Variants in LRP1B observed in about 807,000 individuals in gnomAD.
LRP1B encodes the protein LDL receptor related protein 1B.
A neutral mutation model predicts 556.6 loss-of-function variants in LRP1B; 217 were observed. The ratio of observed to expected loss-of-function variants is 0.39; its 90% CI spans 0.35 to 0.44. The LOEUF (loss-of-function observed/expected upper bound fraction) is 0.44. LRP1B is among the 20% of genes least tolerant of loss of function. The pLI is 1.00. For synonymous variants in LRP1B, 2,047 were observed against 1,865.8 expected (o/e 1.10, Z -2.50); for missense variants, 5,053 against 5,620.8 (o/e 0.90, Z 3.23).
At chr2:141,279,487 T>C (rs1388740228) in intron 3 of LRP1B, among the ~76,000 whole-genome samples, 4 of 151,996 alleles carry the variant, frequency 2.6e-5, no homozygotes, top group East Asian at 1.9e-4. Flanking sequence ...CTTAGGGTAA[T>C]AGAAAGTGGT....
At chr2:141,628,616 G>A (rs1327713294) in intron 2 of LRP1B, among the ~76,000 whole-genome samples, 2 of 151,986 alleles carry the variant, frequency 1.3e-5, no homozygotes, top group Non-Finnish European at 2.9e-5. Context: ...GAGGGAGATG[G>A]GCAGAAGCTA....
At chr2:141,455,375 A>G (rs1209153318) in intron 3 of LRP1B, among the ~76,000 whole-genome samples, 1 of 152,160 alleles carries the variant, frequency 6.6e-6, no homozygotes, top group East Asian at 1.9e-4. Flanking sequence ...GAGGGCACAG[A>G]ATTCTCTTTG....
intron 1 of LRP1B, among the ~76,000 whole-genome samples, chr2:141,935,200 T>G (rs191373780): frequency 1.3e-5 from 2 of 152,238 alleles, no homozygotes; most frequent in African/African-American, 4.8e-5. Context: ...ATAAAGCATT[T>G]TAAACCAAAG....
intron 84 of LRP1B, among the ~76,000 whole-genome samples, chr2:140,280,816 G>C (rs531282894): frequency 3.0e-4 from 45 of 151,818 alleles, no homozygotes; most frequent in African/African-American, 1.1e-3. Flanking sequence ...TGGTAAGAAG[G>C]AATAATAATG....
In LRP1B at chr2:140,231,741, G is replaced by A. The variant is rs183507704; in HGVS notation, c.*1445C>T. The stretch of plus-strand genomic sequence containing the variant: ...TAAAACAGCAGTTTTTTTAATGCTT[G>A]TACAAAGGGATAAAGAGCAACCACA... On this transcript the variant is annotated 3_prime_UTR_variant, in exon 91 of 91. Transcript: ENST00000389484. The A allele has an allele frequency of 6.6e-6, 1 of 151,608 alleles. No homozygotes were observed. The highest frequency in any genetic ancestry group is 2.4e-5 in the African/African-American group (1 of 41,374). 9.4% of individuals were successfully genotyped at this position (151,608 alleles called of 1,614,324 possible). A position where few individuals can be genotyped will look rare whatever the true frequency, so the allele number is the denominator to read the frequency against.
At chr2:141,010,955 T>A (rs947267528) in intron 14 of LRP1B, among the ~76,000 whole-genome samples, 4 of 65,312 alleles carry the variant, frequency 6.1e-5, no homozygotes, top group African/African-American at 2.2e-4. Context: ...TCAGATGGTG[T>A]GTGTGTGTGT....
chr2:141,224,166 A>AC (rs74626852), intron 6 of LRP1B, among the ~76,000 whole-genome samples: 1 of 76,188 alleles, frequency 1.3e-5, no homozygotes, highest in Non-Finnish European at 3.7e-5. Context: ...ACACACACAC[A>AC]AACATTAAAA....
At chr2:140,247,897 C>T (rs961242769) in intron 86 of LRP1B, among the ~76,000 whole-genome samples, 1 of 151,590 alleles carries the variant, frequency 6.6e-6, no homozygotes, top group African/African-American at 2.4e-5. Context: ...TGTGTTTAAA[C>T]AAGGTCTATT....
intron 2 of LRP1B, among the ~76,000 whole-genome samples, chr2:141,658,696 G>A (rs1477376688): frequency 1.3e-5 from 2 of 152,100 alleles, no homozygotes; most frequent in Admixed American, 1.3e-4. Flanking sequence ...AATAATACTG[G>A]GATTCACATT....
intron 41 of LRP1B, among the ~76,000 whole-genome samples, chr2:140,695,420 T>C (rs1180666834): frequency 6.6e-6 from 1 of 152,132 alleles, no homozygotes; most frequent in East Asian, 1.9e-4. Context: ...GGCACAGCTT[T>C]ATTTCAGGCT....
At chr2:140,413,378 C>T (rs1685045876) in intron 66 of LRP1B, among the ~76,000 whole-genome samples, 2 of 152,112 alleles carry the variant, frequency 1.3e-5, no homozygotes, top group Non-Finnish European at 2.9e-5. Context: ...AGAAAATCCC[C>T]TTAGAGACAG....
intron 7 of LRP1B, among the ~76,000 whole-genome samples, chr2:141,126,081 G>C (rs1353972426): frequency 1.3e-5 from 2 of 151,246 alleles, no homozygotes; most frequent in Non-Finnish European, 2.9e-5. Context: ...CGCCAGGCTG[G>C]AGTGCAATGG....
chr2:140,526,122 CA>C (rs1446633858), intron 48 of LRP1B, 114 bp downstream of exon 48: 3 of 1,338,734 alleles, frequency 2.2e-6, no homozygotes, highest in African/African-American at 1.5e-5. Context: ...TCCCACACAA[CA>C]GGGGTTAATT....
intron 3 of LRP1B, among the ~76,000 whole-genome samples, chr2:141,414,214 G>A (rs1324724120): frequency 6.9e-6 from 1 of 145,866 alleles, no homozygotes; most frequent in Non-Finnish European, 1.5e-5. Context: ...TCCAGCCTGG[G>A]CGACAAGAGT....
chr2:141,793,312 A>G (rs1017101394), intron 2 of LRP1B, among the ~76,000 whole-genome samples: 7 of 152,002 alleles, frequency 4.6e-5, no homozygotes, highest in African/African-American at 1.7e-4. Context: ...CTAAGGAGAA[A>G]CAGTTATTAC....
intron 11 of LRP1B, among the ~76,000 whole-genome samples, chr2:141,043,169 C>T (rs1404868904): frequency 3.3e-5 from 5 of 150,542 alleles, no homozygotes; most frequent in Non-Finnish European, 7.4e-5. Flanking sequence ...CACCACTGCA[C>T]TCCAGCCTGG....
chr2:141,225,046 C>A (rs1034176281), intron 6 of LRP1B, among the ~76,000 whole-genome samples: 2 of 152,044 alleles, frequency 1.3e-5, no homozygotes, highest in African/African-American at 4.8e-5. Context: ...AATTTAGTAG[C>A]TCTAGTTAGA....
intron 11 of LRP1B, among the ~76,000 whole-genome samples, chr2:141,040,839 A>T (rs1698676779): frequency 6.6e-6 from 1 of 152,148 alleles, no homozygotes; most frequent in Non-Finnish European, 1.5e-5. Flanking sequence ...AAGCAATCAC[A>T]TGAATATAGC....
At chr2:141,099,077 A>T (rs1410865903) in intron 7 of LRP1B, among the ~76,000 whole-genome samples, 3 of 152,202 alleles carry the variant, frequency 2.0e-5, no homozygotes, top group African/African-American at 7.2e-5. Flanking sequence ...GAAAATTATA[A>T]TCTCCAAACA....
Sources: gnomAD v4.1 joint callset for allele counts (sites outside exome capture counted in the v4.1 genomes callset) on GRCh38, gnomAD v4.1.1 for gene constraint, MANE v1.5 for transcripts, NCBI Gene and HGNC (gene_info 2026-07-23, HGNC 2026-07-21) for gene names.